Variants in MYO1E observed in about 807,000 individuals in gnomAD.
MYO1E encodes myosin IE.
A neutral mutation model predicts 151.1 loss-of-function variants in MYO1E; 68 were observed. The observed-to-expected ratio is 0.45, with a 90% CI of 0.37 to 0.55. MYO1E has a LOEUF of 0.55. Among genes scored for constraint, MYO1E ranks in the 20% least tolerant of loss-of-function variants. MYO1E has a pLI of 0.00. For missense variants in MYO1E, 1,363 were observed against 1,389.3 expected (o/e 0.98, Z 0.30); for synonymous variants, 601 against 501.7 (o/e 1.20, Z -2.64).
At chr15:59,195,430 C>T (rs201305815) in intron 17 of MYO1E, 31 bp downstream of exon 17, 84 of 1,570,510 alleles carry the variant, frequency 5.3e-5, no homozygotes, top group African/African-American at 3.5e-4. Flanking sequence ...AAAAAGGTCC[C>T]GGCCCCACCT....
chr15:59,286,045 A>C (rs2080385930), intron 1 of MYO1E, among the ~76,000 whole-genome samples: 1 of 152,226 alleles, frequency 6.6e-6, no homozygotes. Context: ...ATAAATAAAG[A>C]CAGGGAGGTA....
intron 26 of MYO1E, among the ~76,000 whole-genome samples, chr15:59,145,647 C>G (rs2079436962): frequency 6.6e-6 from 1 of 151,922 alleles, no homozygotes; most frequent in Non-Finnish European, 1.5e-5. Context: ...CCGCCTTGGC[C>G]TCCCAAAGTG....
chr15:59,296,940 C>T (rs1234487744), intron 1 of MYO1E, among the ~76,000 whole-genome samples: 8 of 137,584 alleles, frequency 5.8e-5, no homozygotes, highest in South Asian at 2.6e-4. Context: ...CCCGGGTTCA[C>T]GCCATTCTTC....
intron 1 of MYO1E, among the ~76,000 whole-genome samples, chr15:59,313,274 C>T (rs530804926): frequency 6.6e-6 from 1 of 152,258 alleles, no homozygotes; most frequent in African/African-American, 2.4e-5. Flanking sequence ...ACATATGTAT[C>T]CCCCAACACA....
intron 4 of MYO1E, among the ~76,000 whole-genome samples, chr15:59,255,818 G>A: frequency 6.6e-6 from 1 of 152,190 alleles, no homozygotes; most frequent in East Asian, 1.9e-4. Flanking sequence ...CCCACAGGTT[G>A]GACAAGCTTG....
intron 22 of MYO1E, among the ~76,000 whole-genome samples, chr15:59,166,368 T>C (rs1273315615): frequency 6.6e-6 from 1 of 152,254 alleles, no homozygotes; most frequent in African/African-American, 2.4e-5. Context: ...CGCTGTAAGC[T>C]GTGTTGAAAG....
intron 17 of MYO1E, among the ~76,000 whole-genome samples, chr15:59,193,081 T>C (rs1464835424): frequency 1.3e-5 from 2 of 152,176 alleles, no homozygotes; most frequent in Non-Finnish European, 2.9e-5. Context: ...AGTTCTTTGC[T>C]CTAGATCAGT....
At chr15:59,235,096 T>A (rs150518367) in intron 5 of MYO1E, among the ~76,000 whole-genome samples, 65 of 152,184 alleles carry the variant, frequency 4.3e-4, no homozygotes, top group African/African-American at 1.4e-3. Flanking sequence ...ACCTCTTGAG[T>A]ATCCTCATTC....
At chr15:59,258,503 A>G (rs557738207) in intron 3 of MYO1E, among the ~76,000 whole-genome samples, 51 of 152,366 alleles carry the variant, frequency 3.3e-4, no homozygotes, top group African/African-American at 1.2e-3. Flanking sequence ...GACTGGCAGA[A>G]AAGTAGGTTA....
intron 4 of MYO1E, among the ~76,000 whole-genome samples, chr15:59,246,163 G>A (rs2140363849): frequency 6.6e-6 from 1 of 152,020 alleles, no homozygotes; most frequent in Non-Finnish European, 1.5e-5. Flanking sequence ...TGTCATCCAG[G>A]CTGGAGTGCA....
At chr15:59,158,074 G>A (rs2079518622) in intron 25 of MYO1E, among the ~76,000 whole-genome samples, 1 of 152,220 alleles carries the variant, frequency 6.6e-6, no homozygotes, top group African/African-American at 2.4e-5. Flanking sequence ...AATCCAGATT[G>A]CAAACTCAGC....
chr15:59,171,938 C>A lies in MYO1E; in HGVS notation c.2439G>T (p.Lys813Asn), dbSNP rs768199215. ...AGATCCGTTCTATCTCGATTTTCCGCTTCAGGACTTCTTTCACCAGGCCCT... is the reference window on the plus strand; with the variant it reads ...AGATCCGTTCTATCTCGATTTTCCGATTCAGGACTTCTTTCACCAGGCCCT... ...PDKGLVKEVL[K>N]RKIEIERILS... Residue 813 changes from lysine (K) to asparagine (N), a missense_variant, in exon 22 of 28, where the codon AAG (lysine) becomes AAT (asparagine). Physicochemically the swap from Lys to Asn is moderately conservative, Grantham distance 94. Coordinates refer to ENST00000288235, the MANE Select transcript of MYO1E (RefSeq NM_004998.4). 6.2e-7 allele frequency: 1 copy of A among 1,614,230 alleles called. No individual in the cohort carries two copies. The highest frequency in any genetic ancestry group is 1.1e-5 in the South Asian group (1 of 91,086).
chr15:59,352,900 C>G (rs1167940835), intron 1 of MYO1E, among the ~76,000 whole-genome samples: 2 of 152,188 alleles, frequency 1.3e-5, no homozygotes, highest in Non-Finnish European at 2.9e-5. Flanking sequence ...TGTACAATCA[C>G]AAGCACTTCC....
intron 1 of MYO1E, among the ~76,000 whole-genome samples, chr15:59,365,652 T>C (rs909840556): frequency 1.3e-5 from 2 of 152,232 alleles, no homozygotes; most frequent in Admixed American, 6.5e-5. Context: ...CTTTCTACAA[T>C]GTAGCCTATG....
At chr15:59,213,140 TTA>T (rs1491039472) in intron 12 of MYO1E, among the ~76,000 whole-genome samples, 3,448 of 24,480 alleles carry the variant, frequency 0.14, 74 homozygotes, top group Middle Eastern at 0.33. Context: ...TATTTATTTA[TTA>T]TTATTATTAT....
chr15:59,204,055 T>C (rs2079818101), intron 15 of MYO1E, among the ~76,000 whole-genome samples: 1 of 152,212 alleles, frequency 6.6e-6, no homozygotes, highest in Non-Finnish European at 1.5e-5. Context: ...TAATAGCTCT[T>C]AAACTTGGCA....
At chr15:59,141,557 G>A (rs1297792738) in intron 26 of MYO1E, among the ~76,000 whole-genome samples, 2 of 152,170 alleles carry the variant, frequency 1.3e-5, no homozygotes, top group South Asian at 2.1e-4. Context: ...CCAGCACCTT[G>A]GGAGGCCAAG....
At chr15:59,227,202 C>G (rs2079997379) in intron 7 of MYO1E, among the ~76,000 whole-genome samples, 1 of 152,160 alleles carries the variant, frequency 6.6e-6, no homozygotes, top group Non-Finnish European at 1.5e-5. Context: ...GACTCCAACA[C>G]TCCTCGTTTT....
intron 14 of MYO1E, 175 bp downstream of exon 14, chr15:59,208,506 T>C: frequency 2.7e-6 from 2 of 734,188 alleles, no homozygotes; most frequent in Admixed American, 2.6e-5. Context: ...TAAATGTACA[T>C]ACAAAAAAAT....
Sources: allele counts gnomAD v4.1 joint callset (sites outside exome capture counted in the v4.1 genomes callset), GRCh38; gene constraint gnomAD v4.1.1; transcripts MANE v1.5; gene names NCBI Gene and HGNC (gene_info 2026-07-23, HGNC 2026-07-21).